The following SHLD2 variants were observed in gnomAD, a reference collection of about 807,000 sequenced individuals.
The protein encoded by SHLD2 is RINN1-REV7-interacting novel NHEJ regulator 2.
A neutral mutation model predicts 73.2 loss-of-function variants in SHLD2; 30 were observed. That is an observed-to-expected ratio of 0.41 (90% CI 0.31 to 0.56). SHLD2 has a LOEUF of 0.56. Ranked by LOEUF, SHLD2 falls within the 20% of genes least tolerant of loss-of-function variation. The pLI is 0.28. For synonymous variants in SHLD2, 285 were observed against 370.1 expected, an observed-to-expected ratio of 0.77 and a Z score of 2.64; for missense variants, 745 against 1,055.9, an observed-to-expected ratio of 0.71 and a Z score of 4.08.
Position 87,152,856 on chromosome 10 carries a change from T to A in SHLD2, c.1502T>A (p.Leu501His). The change falls in exon 3 of 10, where the codon CTT (leucine) becomes CAT (histidine). Residue 501 changes from leucine to histidine, a missense_variant. By Grantham distance (99) the Leu-to-His change is moderately conservative. Around this residue, in one of 5 missense-constraint regions of SHLD2, gnomAD observed 418 missense variants for 567.8 expected, o/e 0.74. Coordinates refer to ENST00000298786, the MANE Select transcript of SHLD2 (RefSeq NM_001330112.2). Reference protein sequence around the residue: ...TAAFWAFTVFLGDIILLTDVV... With the variant: ...TAAFWAFTVFHGDIILLTDVV... ...GCATTTTGGGCATTTACAGTGTTTC[T>A]TGGAGATATAATTTTACTCACAGGT... 1 of 1,611,470 alleles carries A rather than the reference T, an allele frequency of 6.2e-7. No homozygotes were observed. Among genetic ancestry groups the A allele is most frequent in the South Asian group, 1.1e-5 (1 of 90,860 alleles).
At position 87,164,033 on chromosome 10, in the gene SHLD2, C is replaced by T. The variant is rs957212893; in HGVS notation, c.1633+5878C>T. 4.6e-5 allele frequency among the ~76,000 whole-genome samples: 7 copies of T among 151,330 alleles called. No homozygotes were observed. In the South Asian group the frequency reaches 1.3e-3, roughly 27 times the overall value. ...AGTGCAGTGGCGTGATCTTAGCTCA[C>T]TGCAACCTCTGCCTCCTGGGTTCGA... On this transcript the variant is annotated intron_variant, in intron 4 of 9. Transcript: ENST00000298786.
At chr10:87,125,942 A>C (rs191585689) in intron 2 of SHLD2, among the ~76,000 whole-genome samples, 74 of 152,116 alleles carry the variant, frequency 4.9e-4, no homozygotes, top group African/African-American at 1.6e-3. Context: ...TAATAATAAT[A>C]ATAATTCTCA....
At chr10:87,163,630 A>ATGT (rs1846980065) in intron 4 of SHLD2, among the ~76,000 whole-genome samples, 1 of 150,518 alleles carries the variant, frequency 6.6e-6, no homozygotes, top group Non-Finnish European at 1.5e-5. Flanking sequence ...GCTTAGCAAT[A>ATGT]ACCTTATGTA....
intron 7 of SHLD2, among the ~76,000 whole-genome samples, chr10:87,178,563 A>G (rs1474495153): frequency 6.6e-6 from 1 of 151,288 alleles, no homozygotes; most frequent in African/African-American, 2.4e-5. Context: ...AAAAAATACA[A>G]AAATTAGCCA....
chr10:87,167,752 C>G lies in SHLD2; in HGVS notation c.1634-2726C>G, dbSNP rs371774237. Among the ~76,000 whole-genome samples the G allele has an allele frequency of 3.3e-5, 5 of 152,316 alleles. No homozygotes were observed. The East Asian group carries it at 9.6e-4, about 29-fold the overall frequency. ...CTCAGTCTCCCAGGCTCAAGAGATT[C>G]TTCTACCTCAGCCTCCTGAGTAGCT... On this transcript the variant is annotated intron_variant, in intron 4 of 9. Coordinates refer to ENST00000298786, the MANE Select transcript of SHLD2 (RefSeq NM_001330112.2).
intron 2 of SHLD2, among the ~76,000 whole-genome samples, chr10:87,148,471 G>C (rs1230807397): frequency 1.3e-5 from 2 of 150,710 alleles, no homozygotes; most frequent in Non-Finnish European, 2.9e-5. Context: ...GGTTTCCATA[G>C]TGAAAACTTT....
At chr10:87,103,498 T>C (rs1272880557) in intron 2 of SHLD2, among the ~76,000 whole-genome samples, 1 of 152,226 alleles carries the variant, frequency 6.6e-6, no homozygotes, top group Admixed American at 6.5e-5. Flanking sequence ...CCCCTAGTTA[T>C]GTGTTTTTCA....
At chr10:87,099,056 G>A (rs1178385072) in intron 2 of SHLD2, among the ~76,000 whole-genome samples, 4 of 152,242 alleles carry the variant, frequency 2.6e-5, no homozygotes, top group Non-Finnish European at 4.4e-5. Context: ...GATTCCAAGT[G>A]TGAGCCACCA....
intron 2 of SHLD2, among the ~76,000 whole-genome samples, chr10:87,101,001 G>A (rs1393751005): frequency 6.6e-6 from 1 of 152,148 alleles, no homozygotes; most frequent in Non-Finnish European, 1.5e-5. Context: ...CATTAACATG[G>A]GATATCTTTC....
At chr10:87,182,163 G>A (rs760388300) in intron 8 of SHLD2, among the ~76,000 whole-genome samples, 29 of 152,294 alleles carry the variant, frequency 1.9e-4, no homozygotes, top group Non-Finnish European at 3.8e-4. Context: ...TATCAAGTAT[G>A]TGACTCCAAA....
rs1486180734 is a variant in SHLD2, at chr10:87,152,871, T to C, written c.1517T>C (p.Leu506Ser). 1 of 1,611,156 alleles carries C rather than the reference T, an allele frequency of 6.2e-7. No homozygotes were observed. The highest frequency in any genetic ancestry group is 8.5e-7 in the Non-Finnish European group (1 of 1,179,690). ...AFTVFLGDIILLTDVVIHEDQ... is the reference protein window; with the variant it reads ...AFTVFLGDIISLTDVVIHEDQ... ...ACAGTGTTTCTTGGAGATATAATTT[T>C]ACTCACAGGTGAGGTCATTATGGTA... Residue 506 changes from leucine (L) to serine (S), a missense_variant, in exon 3 of 10, where the codon TTA (leucine) becomes TCA (serine). Physicochemically the swap from Leu to Ser is moderately radical, Grantham distance 145. This residue lies in a region of SHLD2 where 418 missense variants were observed against 567.8 expected (regional missense o/e 0.74). Coordinates refer to ENST00000298786, the MANE Select transcript of SHLD2 (RefSeq NM_001330112.2).
At chr10:87,096,513 C>G (rs930159699) in intron 1 of SHLD2, among the ~76,000 whole-genome samples, 2 of 152,018 alleles carry the variant, frequency 1.3e-5, no homozygotes, top group East Asian at 1.9e-4. Context: ...CTTTGGGGGC[C>G]AAAGCAGGCT....
intron 1 of SHLD2, among the ~76,000 whole-genome samples, chr10:87,095,820 C>T (rs1841821502): frequency 6.6e-6 from 1 of 152,186 alleles, no homozygotes; most frequent in Non-Finnish European, 1.5e-5. Context: ...AGTCCTAGCA[C>T]TTTGGGAGGT....
intron 2 of SHLD2, among the ~76,000 whole-genome samples, chr10:87,136,659 C>G (rs1263390171): frequency 6.6e-6 from 1 of 151,938 alleles, no homozygotes; most frequent in East Asian, 1.9e-4. Context: ...ATGGATGATT[C>G]TAACTTCCTG....
chr10:87,097,439 A>G (rs1385792627), intron 2 of SHLD2, among the ~76,000 whole-genome samples: 2 of 152,014 alleles, frequency 1.3e-5, no homozygotes, highest in Admixed American at 1.3e-4. Context: ...GGGGCCTACA[A>G]AAATTAGCCA....
chr10:87,118,195 G>A (rs1052492003), intron 2 of SHLD2, among the ~76,000 whole-genome samples: 7 of 152,146 alleles, frequency 4.6e-5, no homozygotes. Context: ...GGGTTCTCAA[G>A]CCTATAACCA....
In SHLD2 at chr10:87,140,274, G is replaced by C. The variant is rs1334486630; in HGVS notation, c.-5-11076G>C. ...TTCTCTACTAAAAATACAAAAATTA[G>C]CTGGGCTTGGTGGCATGCGACTGTA... On this transcript the variant is annotated intron_variant, in intron 2 of 9. Transcript: ENST00000298786. Among the ~76,000 whole-genome samples the C allele has an allele frequency of 2.6e-5, 4 of 151,816 alleles. No individual in the cohort carries two copies. The East Asian group carries it at 7.7e-4, about 29-fold the overall frequency.
At chr10:87,147,653 C>T (rs1845717104) in intron 2 of SHLD2, among the ~76,000 whole-genome samples, 1 of 151,374 alleles carries the variant, frequency 6.6e-6, no homozygotes, top group Admixed American at 6.6e-5. Flanking sequence ...CTTTCCTGGG[C>T]CCTATTTTGG....
intron 1 of SHLD2, 49 bp downstream of exon 1, chr10:87,095,297 A>AGGTCGG (rs1841740127): frequency 1.0e-5 from 1 of 99,236 alleles, no homozygotes; most frequent in Non-Finnish European, 2.1e-5. Context: ...TAGCCCAGGG[A>AGGTCGG]GGTCGGGGTC....
Sources: allele counts gnomAD v4.1 joint callset (sites outside exome capture counted in the v4.1 genomes callset), GRCh38; gene constraint gnomAD v4.1.1; regional missense constraint gnomAD v4.1.1; transcripts MANE v1.5; gene names NCBI Gene and HGNC (gene_info 2026-07-23, HGNC 2026-07-21).